The following LCOR variants were observed in gnomAD, a reference collection of about 807,000 sequenced individuals.
LCOR encodes the protein ligand-dependent corepressor.
A neutral mutation model predicts 64.4 loss-of-function variants in LCOR; 14 were observed. The observed-to-expected ratio is 0.22, with a 90% confidence interval of 0.14 to 0.34. The LOEUF (loss-of-function observed/expected upper bound fraction) is 0.34, where lower values mean the gene tolerates loss of function less well. LCOR is among the 10% of genes least tolerant of loss of function. LCOR has a pLI of 1.00. For missense variants in LCOR, 1,686 were observed against 1,765.3 expected (o/e 0.96, Z 0.80); for synonymous variants, 643 against 642.5 (o/e 1.00, Z -0.01).
chr10:96,921,924 T>TGA, intron 4 of LCOR, among the ~76,000 whole-genome samples: 2 of 152,356 alleles, frequency 1.3e-5, no homozygotes, highest in South Asian at 4.1e-4. Context: ...TTAGTCTATG[T>TGA]GTCTGTCTGA....
At chr10:96,878,851 G>A (rs937147427) in intron 2 of LCOR, among the ~76,000 whole-genome samples, 1 of 151,966 alleles carries the variant, frequency 6.6e-6, no homozygotes, top group Non-Finnish European at 1.5e-5. Flanking sequence ...GTAGTGCAGC[G>A]ATGCAGTCAC....
chr10:96,873,731 T>C (rs1402806404), intron 2 of LCOR, among the ~76,000 whole-genome samples: 1 of 151,852 alleles, frequency 6.6e-6, no homozygotes, highest in Non-Finnish European at 1.5e-5. Flanking sequence ...GCCTCCTGAG[T>C]AGCTGGGATT....
chr10:96,957,434 T>C, intron 7 of LCOR: 1 of 985,292 alleles, frequency 1.0e-6, no homozygotes, highest in Non-Finnish European at 1.2e-6. Flanking sequence ...CCATGGAATT[T>C]AATTTTTCAT....
At chr10:96,970,620 TTTTA>T (rs1428321872) in intron 7 of LCOR, among the ~76,000 whole-genome samples, 46 of 143,742 alleles carry the variant, frequency 3.2e-4, no homozygotes, top group African/African-American at 7.4e-4. Flanking sequence ...TTTTATTTTA[TTTTA>T]TTTATTTTAT....
chr10:96,884,988 T>C (rs764039452), intron 2 of LCOR, among the ~76,000 whole-genome samples: 3 of 152,184 alleles, frequency 2.0e-5, no homozygotes, highest in African/African-American at 4.8e-5. Context: ...CGTGTGCACT[T>C]ATCACATATT....
Position 96,955,459 on chromosome 10 carries a change from T to C in LCOR, c.332+3263T>C, listed in dbSNP as rs200583240. On this transcript the variant is annotated intron_variant, in intron 7 of 7. Coordinates refer to ENST00000421806, the MANE Select transcript of LCOR (RefSeq NM_001346516.2). ...CAGTACAGCTATAGCTCTTTGGTAA[T>C]GGGTTCACAAACGGAGAGCGCGCTT... is the stretch of plus-strand genomic sequence containing the variant. 8.6e-5 allele frequency: 139 copies of C among 1,614,042 alleles called. No individual in the cohort carries two copies. Among genetic ancestry groups the C allele is most frequent in the Non-Finnish European group, 1.1e-4 (134 of 1,180,038 alleles).
chr10:96,874,302 C>A (rs939663019), intron 2 of LCOR, among the ~76,000 whole-genome samples: 1 of 152,176 alleles, frequency 6.6e-6, no homozygotes, highest in Admixed American at 6.5e-5. Context: ...TCCATCCAAT[C>A]TTTGATCTAT....
chr10:96,916,919 T>C (rs1219818237), intron 4 of LCOR, among the ~76,000 whole-genome samples: 1 of 152,190 alleles, frequency 6.6e-6, no homozygotes, highest in African/African-American at 2.4e-5. Flanking sequence ...CCAGCCTCTA[T>C]GTGAGATTTA....
At chr10:96,975,868 A>G (rs1024431837) in intron 7 of LCOR, among the ~76,000 whole-genome samples, 9 of 152,026 alleles carry the variant, frequency 5.9e-5, no homozygotes, top group Middle Eastern at 3.4e-3. Flanking sequence ...TACAAAAGCT[A>G]GCCGGACGTG....
In LCOR at chr10:96,995,797, G is replaced by A. The variant is rs1848237553; in HGVS notation, c.*10663G>A. On this transcript the variant is annotated 3_prime_UTR_variant, in exon 8 of 8. Coordinates refer to ENST00000421806, the MANE Select transcript of LCOR (RefSeq NM_001346516.2). This position sits in a 1 kb window ranked among gnomAD's most constrained non-coding sequence, Gnocchi z 4.2. ...CCTCACTGAAATCCAAGCTTGGAAG[G>A]ATGTCCTGTGTTGTTTCAGATTCTC... The A allele has an allele frequency of 6.6e-6, 1 of 152,212 alleles. No individual in the cohort carries two copies. Among genetic ancestry groups the A allele is most frequent in the Non-Finnish European group, 1.5e-5 (1 of 68,034 alleles). The allele number at this position is 152,212 out of a possible 1,614,324, so 9.4% of individuals were successfully genotyped here.
intron 2 of LCOR, among the ~76,000 whole-genome samples, chr10:96,891,589 C>G (rs1165789415): frequency 8.9e-6 from 1 of 112,206 alleles, no homozygotes; most frequent in African/African-American, 3.5e-5. Flanking sequence ...GTCGCCCACA[C>G]TGGAGTGCAG....
chr10:96,982,072 G>A lies in LCOR; in HGVS notation c.1612G>A (p.Ala538Thr), dbSNP rs769451061. Residue 538 changes from alanine (A) to threonine (T), a missense_variant, in exon 8 of 8, where the codon GCA becomes ACA. Coordinates refer to ENST00000421806, the MANE Select transcript of LCOR (RefSeq NM_001346516.2). The stretch of plus-strand genomic sequence containing the variant: ...AAGCTGCTCAGCATTGGCATCAGAG[G>A]CAGTTTTCACTCCTAAGCAGACCCT... ...KASCSALASE[A>T]VFTPKQTLTI... 25 of 1,614,002 alleles carry A rather than the reference G, an allele frequency of 1.5e-5. No homozygotes were observed. The highest frequency in any genetic ancestry group is 2.1e-5 in the Non-Finnish European group (25 of 1,180,030).
chr10:96,887,721 C>T (rs1256082617), intron 2 of LCOR, among the ~76,000 whole-genome samples: 1 of 151,300 alleles, frequency 6.6e-6, no homozygotes, highest in Non-Finnish European at 1.5e-5. Flanking sequence ...TTTACTCTCA[C>T]CCAGGCTATA....
At chr10:96,833,783 G>T (rs992961481) in intron 2 of LCOR, among the ~76,000 whole-genome samples, 1 of 152,198 alleles carries the variant, frequency 6.6e-6, no homozygotes, top group East Asian at 1.9e-4. Flanking sequence ...ACAGGGTTTC[G>T]TTGGAAGGAA....
intron 2 of LCOR, among the ~76,000 whole-genome samples, chr10:96,838,921 G>T (rs1438125683): frequency 6.6e-6 from 1 of 152,104 alleles, no homozygotes; most frequent in Non-Finnish European, 1.5e-5. Context: ...AAGTGGCTAC[G>T]GTATTTTACA....
chr10:96,891,878 AT>A (rs1846451442), intron 2 of LCOR, among the ~76,000 whole-genome samples: 1 of 151,870 alleles, frequency 6.6e-6, no homozygotes, highest in African/African-American at 2.4e-5. Context: ...TTAAGAATGT[AT>A]TGTTTAATTT....
At chr10:96,834,257 A>T (rs1484665967) in intron 2 of LCOR, among the ~76,000 whole-genome samples, 1 of 152,236 alleles carries the variant, frequency 6.6e-6, no homozygotes, top group Non-Finnish European at 1.5e-5. Flanking sequence ...AAAGGTTAAA[A>T]GTGCATTTTC....
intron 2 of LCOR, among the ~76,000 whole-genome samples, chr10:96,869,781 G>A (rs1444329453): frequency 6.6e-6 from 1 of 151,594 alleles, no homozygotes; most frequent in African/African-American, 2.4e-5. Flanking sequence ...CTCCATGTTG[G>A]TCAGGCTGGT....
intron 7 of LCOR, among the ~76,000 whole-genome samples, chr10:96,975,176 A>G (rs1471047139): frequency 6.6e-6 from 1 of 152,178 alleles, no homozygotes; most frequent in Non-Finnish European, 1.5e-5. Flanking sequence ...ATCTCAAAAT[A>G]AAATAATAAA....
Sources: gnomAD v4.1 joint callset for allele counts (sites outside exome capture counted in the v4.1 genomes callset) on GRCh38, gnomAD v4.1.1 for gene constraint, Gnocchi (gnomAD v3.1) non-coding constraint, MANE v1.5 for transcripts, NCBI Gene and HGNC (gene_info 2026-07-23, HGNC 2026-07-21) for gene names.